Variants in PGM2L1 observed in about 807,000 individuals in gnomAD.
The protein encoded by PGM2L1 is phosphoglucomutase 2 like 1, also known as glucose 1,6-bisphosphate synthase.
In PGM2L1, 35 loss-of-function variants were observed where a neutral mutation model predicts 73.4. The ratio of observed to expected loss-of-function variants is 0.48; its 90% CI spans 0.36 to 0.63. The LOEUF is 0.63. PGM2L1 is among the 30% of genes least tolerant of loss of function. The pLI is 0.00. For synonymous variants in PGM2L1, 225 were observed against 253.8 expected, an observed-to-expected ratio of 0.89 and a Z score of 1.08; for missense variants, 570 against 742.0, an observed-to-expected ratio of 0.77 and a Z score of 2.69.
At chr11:74,398,011 G>A (rs1170800021) in intron 1 of PGM2L1, 40 bp downstream of exon 1, 1 of 1,568,700 alleles carries the variant, frequency 6.4e-7, no homozygotes, top group Non-Finnish European at 8.6e-7. Flanking sequence ...AGACTGTGTG[G>A]GGGAGGCGAC....
intron 2 of PGM2L1, 147 bp downstream of exon 2, chr11:74,374,268 G>C (rs1221301281): frequency 3.6e-6 from 2 of 550,178 alleles, no homozygotes; most frequent in Non-Finnish European, 5.6e-6. Flanking sequence ...ATTTTTAGTA[G>C]AGACGGGGTT....
Position 74,342,695 on chromosome 11 carries a change from T to C in PGM2L1, c.1443-45A>G, listed in dbSNP as rs1190086525. ...GCTAAAATTAGATTTCAGATAACTC[T>C]TTAAAAAAGCATATATTAAGGAAGA... On this transcript the variant is annotated intron_variant, in intron 11 of 13. Coordinates refer to ENST00000298198, the MANE Select transcript of PGM2L1 (RefSeq NM_173582.6). The C allele has an allele frequency of 3.4e-6, 5 of 1,450,040 alleles. No individual in the cohort carries two copies. In the African/African-American group the frequency reaches 4.3e-5, roughly 12 times the overall value. The allele number at this position is 1,450,040 out of a possible 1,614,324, so 89.8% of individuals were successfully genotyped here.
chr11:74,369,119 C>T (rs1214446838), intron 4 of PGM2L1, among the ~76,000 whole-genome samples: 1 of 152,086 alleles, frequency 6.6e-6, no homozygotes, highest in East Asian at 1.9e-4. Context: ...CACATCCCTA[C>T]ATTTATAACA....
At chr11:74,388,528 T>C (rs935735518) in intron 1 of PGM2L1, among the ~76,000 whole-genome samples, 1 of 152,058 alleles carries the variant, frequency 6.6e-6, no homozygotes. Flanking sequence ...AATGAAATAT[T>C]TCAGAGAGAA....
chr11:74,360,673 G>C (rs779674939), intron 5 of PGM2L1, among the ~76,000 whole-genome samples: 1 of 152,046 alleles, frequency 6.6e-6, no homozygotes, highest in Non-Finnish European at 1.5e-5. Context: ...GGAAGGGGTG[G>C]CACCTGGAAA....
At chr11:74,343,061 T>C in intron 10 of PGM2L1, 47 bp from the exon 11 acceptor site, 2 of 1,542,868 alleles carry the variant, frequency 1.3e-6, no homozygotes, top group Non-Finnish European at 1.7e-6. Flanking sequence ...CTTAAGGCTA[T>C]AATTTCAATA....
Position 74,364,146 on chromosome 11 carries a change from C to T in PGM2L1, c.555+4346G>A, listed in dbSNP as rs544550987. On this transcript the variant is annotated intron_variant, in intron 5 of 13. Transcript: ENST00000298198. ...TTATCTCAATAGATGCAGAAAAGGC[C>T]TTTGACAAAATTCAACAGCCCTTCA... 4.0e-4 allele frequency among the ~76,000 whole-genome samples: 61 copies of T among 152,210 alleles called. No homozygotes were observed. In the South Asian group the frequency reaches 0.013, roughly 32 times the overall value.
Position 74,336,605 on chromosome 11 carries a change from GCT to G in PGM2L1, c.*45_*46del. 4 of 1,301,432 alleles carry G rather than the reference GCT, an allele frequency of 3.1e-6. No homozygotes were observed. Among genetic ancestry groups the G allele is most frequent in the Non-Finnish European group, 4.3e-6 (4 of 923,292 alleles). 80.6% of individuals were successfully genotyped at this position (1,301,432 alleles called of 1,614,324 possible). A position where few individuals can be genotyped will look rare whatever the true frequency, so the allele number is the denominator to read the frequency against. On this transcript the variant is annotated 3_prime_UTR_variant, in exon 14 of 14. Coordinates refer to ENST00000298198, the MANE Select transcript of PGM2L1 (RefSeq NM_173582.6). ...GGTTCAATGTATGCAGTTCTCGGTT[GCT>G]CTGTTCCATATGCCCACACAGTGTC...
chr11:74,379,753 G>A (rs1356417207), intron 1 of PGM2L1, among the ~76,000 whole-genome samples: 2 of 151,798 alleles, frequency 1.3e-5, no homozygotes, highest in South Asian at 2.1e-4. Flanking sequence ...GTAAAACCCC[G>A]CCTCTACTAA....
intron 5 of PGM2L1, among the ~76,000 whole-genome samples, chr11:74,360,294 T>C (rs200801890): frequency 1.1e-5 from 1 of 92,616 alleles, no homozygotes; most frequent in South Asian, 3.8e-4. Flanking sequence ...GGGAGGGAGG[T>C]AGGGAGGGAG....
chr11:74,337,047 A>G (rs1251226107), intron 13 of PGM2L1, among the ~76,000 whole-genome samples: 1 of 152,202 alleles, frequency 6.6e-6, no homozygotes, highest in Non-Finnish European at 1.5e-5. Flanking sequence ...ATGAGGTTCT[A>G]ATGGCTTTGA....
chr11:74,391,883 TTAA>T (rs1266242130), intron 1 of PGM2L1, among the ~76,000 whole-genome samples: 1 of 152,230 alleles, frequency 6.6e-6, no homozygotes, highest in African/African-American at 2.4e-5. Context: ...CAGTCTCCTC[TTAA>T]ATAGAATGGC....
chr11:74,396,639 C>A (rs1448251469), intron 1 of PGM2L1, among the ~76,000 whole-genome samples: 1 of 152,172 alleles, frequency 6.6e-6, no homozygotes, highest in Non-Finnish European at 1.5e-5. Flanking sequence ...TGGTCTCGAT[C>A]TCCTGACCTC....
At chr11:74,357,544 G>A (rs1862477992) in intron 5 of PGM2L1, among the ~76,000 whole-genome samples, 1 of 152,246 alleles carries the variant, frequency 6.6e-6, no homozygotes, top group African/African-American at 2.4e-5. Context: ...TGACAAGGAT[G>A]TGGAGCAACA....
At chr11:74,339,053 G>A (rs1862142360) in intron 12 of PGM2L1, among the ~76,000 whole-genome samples, 1 of 152,044 alleles carries the variant, frequency 6.6e-6, no homozygotes, top group African/African-American at 2.4e-5. Flanking sequence ...CATGATCTCT[G>A]GGCCTCAACA....
At chr11:74,378,831 C>CA (rs1862895861) in intron 1 of PGM2L1, among the ~76,000 whole-genome samples, 1 of 152,154 alleles carries the variant, frequency 6.6e-6, no homozygotes, top group African/African-American at 2.4e-5. Context: ...CAGAAGGTTA[C>CA]ACACCAGACC....
intron 1 of PGM2L1, among the ~76,000 whole-genome samples, chr11:74,390,963 G>T (rs1484013972): frequency 6.6e-6 from 1 of 152,122 alleles, no homozygotes; most frequent in Non-Finnish European, 1.5e-5. Flanking sequence ...ACGAAGAAAT[G>T]GGGAGTTATT....
intron 2 of PGM2L1, 140 bp downstream of exon 2, chr11:74,374,275 G>T (rs548147619): frequency 1.7e-6 from 1 of 601,360 alleles, no homozygotes. Context: ...GTAGAGACGG[G>T]GTTTCACCAT....
chr11:74,389,262 A>G (rs2134952855), intron 1 of PGM2L1, among the ~76,000 whole-genome samples: 1 of 152,244 alleles, frequency 6.6e-6, no homozygotes, highest in Admixed American at 6.5e-5. Flanking sequence ...TTTCTCTACA[A>G]AACAAAACAA....
Sources: allele counts gnomAD v4.1 joint callset (sites outside exome capture counted in the v4.1 genomes callset), GRCh38; gene constraint gnomAD v4.1.1; transcripts MANE v1.5; gene names NCBI Gene and HGNC (gene_info 2026-07-23, HGNC 2026-07-21).